Variants in PEX11A observed in about 807,000 individuals in gnomAD.
The protein encoded by PEX11A is peroxisomal biogenesis factor 11 alpha, also known as peroxisomal membrane protein 11A.
Under a neutral mutation model 14.4 loss-of-function variants are expected in PEX11A, and 13 were observed. The observed-to-expected ratio is 0.90, with a 90% CI of 0.59 to 1.43. The LOEUF is 1.43. Ranked by LOEUF, PEX11A falls within the 40% of genes most tolerant of loss-of-function variation. PEX11A has a pLI of 0.00. For missense variants in PEX11A, 290 were observed against 302.8 expected, an observed-to-expected ratio of 0.96 and a Z score of 0.31; for synonymous variants, 101 against 113.0, an observed-to-expected ratio of 0.89 and a Z score of 0.67.
Position 89,690,661 on chromosome 15 carries a change from A to G in PEX11A, c.-29T>C, listed in dbSNP as rs2141559192. On this transcript the variant is annotated 5_prime_UTR_variant, in exon 1 of 3. Transcript: ENST00000300056. ...TTCTAGCCCAAAGGCCACGAGTCGC[A>G]CGGGGCTCAGGCGTGGGTCCTCTGG... The G allele has an allele frequency of 2.6e-6, 4 of 1,541,052 alleles. No individual in the cohort carries two copies. In the East Asian group the frequency reaches 7.3e-5, roughly 28 times the overall value.
chr15:89,685,972 T>A (rs1174166667), intron 2 of PEX11A, among the ~76,000 whole-genome samples: 1 of 152,240 alleles, frequency 6.6e-6, no homozygotes, highest in Non-Finnish European at 1.5e-5. Context: ...ACCTTTGGCA[T>A]GAAACCTACC....
Position 89,683,686 on chromosome 15 carries a change from C to G in PEX11A, c.435G>C (p.Gln145His), listed in dbSNP as rs1319182823. ...LVRDLYEISL[Q>H]MKRVTCDRAK... is the part of the protein sequence containing the mutation. ...CCCTGTCACATGTAACTCGTTTCATCTGCAGGGAGATTTCATACAGATCCC... is the reference window on the plus strand; with the variant it reads ...CCCTGTCACATGTAACTCGTTTCATGTGCAGGGAGATTTCATACAGATCCC... Residue 145 changes from glutamine (Q) to histidine (H), a missense_variant, in exon 3 of 3, where the codon CAG becomes CAC. Gln to His is a conservative substitution (Grantham distance 24). Transcript: ENST00000300056. 7 of 1,613,982 alleles carry G rather than the reference C, an allele frequency of 4.3e-6. No individual in the cohort carries two copies. Among genetic ancestry groups the G allele is most frequent in the Non-Finnish European group, 5.9e-6 (7 of 1,180,024 alleles).
At chr15:89,690,409 T>A (rs1471227483) in intron 1 of PEX11A, among the ~76,000 whole-genome samples, 168 bp downstream of exon 1, 1 of 151,840 alleles carries the variant, frequency 6.6e-6, no homozygotes, top group Admixed American at 6.6e-5. Context: ...CACGTTGAAT[T>A]TAGGGTAAGG....
chr15:89,688,924 C>T (rs1456943378), intron 1 of PEX11A, among the ~76,000 whole-genome samples: 1 of 151,620 alleles, frequency 6.6e-6, no homozygotes, highest in East Asian at 1.9e-4. Context: ...CCATGTTAGC[C>T]AGGATGGTCT....
chr15:89,686,815 C>A (rs1964683677), intron 1 of PEX11A, among the ~76,000 whole-genome samples: 1 of 145,628 alleles, frequency 6.9e-6, no homozygotes, highest in African/African-American at 2.6e-5. Flanking sequence ...CTTTTGCTGG[C>A]ACAGAGAAAT....
intron 1 of PEX11A, among the ~76,000 whole-genome samples, chr15:89,686,847 CTG>C (rs3035166): frequency 0.64 from 96,814 of 151,746 alleles, 31,645 homozygotes; most frequent in Non-Finnish European, 0.71. Context: ...AAGTGAGAAA[CTG>C]TACAAAATCT....
In PEX11A at chr15:89,683,711, C is replaced by T. The variant is rs756263730; in HGVS notation, c.410G>A (p.Arg137Lys). The T allele has an allele frequency of 1.2e-6, 2 of 1,614,086 alleles. No individual in the cohort carries two copies. The highest frequency in any genetic ancestry group is 1.7e-6 in the Non-Finnish European group (2 of 1,179,986). The change falls in exon 3 of 3, where the codon AGG becomes AAG. Residue 137 changes from arginine (R) to lysine (K), a missense_variant. Arg to Lys is a conservative substitution (Grantham distance 26). Transcript: ENST00000300056. ...YYYSLLLSLVRDLYEISLQMK... is the reference protein window; with the variant it reads ...YYYSLLLSLVKDLYEISLQMK... ...CTGCAGGGAGATTTCATACAGATCC[C>T]TGACCAGGCTCAGCAGAAGAGAATA...
intron 1 of PEX11A, chr15:89,688,054 A>C: frequency 1.9e-6 from 1 of 536,624 alleles, no homozygotes. Context: ...GCTTTAGCAC[A>C]AACTTCTTGG....
rs115097615 is a variant in PEX11A at position 89,690,397 on chromosome 15, C to G, written c.56+180G>C. Reference sequence around the variant, plus strand: ...ACGGGACGCGGGTGCGTTGGGCCCACTCACGTTGAATTTAGGGTAAGGAGG... The same window carrying G: ...ACGGGACGCGGGTGCGTTGGGCCCAGTCACGTTGAATTTAGGGTAAGGAGG... On this transcript the variant is annotated intron_variant, in intron 1 of 2. Transcript: ENST00000300056. Among the ~76,000 whole-genome samples the G allele has an allele frequency of 7.2e-3, 1,102 of 152,276 alleles. 14 individuals are homozygous for G. The highest frequency in any genetic ancestry group is 0.025 in the African/African-American group (1,059 of 41,550).
At chr15:89,686,917 T>C (rs557875443) in intron 1 of PEX11A, among the ~76,000 whole-genome samples, 2 of 145,042 alleles carry the variant, frequency 1.4e-5, no homozygotes, top group African/African-American at 2.6e-5. Flanking sequence ...GTAGATTTCT[T>C]TCTTTGTTTT....
intron 1 of PEX11A, among the ~76,000 whole-genome samples, chr15:89,690,286 G>A (rs1327390434): frequency 6.6e-6 from 1 of 152,242 alleles, no homozygotes; most frequent in Non-Finnish European, 1.5e-5. Flanking sequence ...AGGAGGGGAG[G>A]AGGATCTGTC....
chr15:89,688,946 C>T (rs1964731041), intron 1 of PEX11A, among the ~76,000 whole-genome samples: 1 of 151,878 alleles, frequency 6.6e-6, no homozygotes, highest in Non-Finnish European at 1.5e-5. Flanking sequence ...GATCTCCTGA[C>T]TTTGTGATCC....
Position 89,681,619 on chromosome 15 carries a change from T to G in PEX11A, c.*1758A>C, listed in dbSNP as rs1343806637. The G allele has an allele frequency of 1.5e-6, 1 of 655,632 alleles. No individual in the cohort carries two copies. Among genetic ancestry groups the G allele is most frequent in the East Asian group, 2.7e-5 (1 of 36,642 alleles). The allele number at this position is 655,632 out of a possible 1,614,324, so 40.6% of individuals were successfully genotyped here. ...AAAATAGTTATTTAAGCTTTTTATT[T>G]TCCCTGACCTAGTAGCTTTCATGTC... On this transcript the variant is annotated 3_prime_UTR_variant, in exon 3 of 3. Coordinates refer to ENST00000300056, the MANE Select transcript of PEX11A (RefSeq NM_003847.3).
At chr15:89,686,657 A>G (rs960687939) in intron 1 of PEX11A, 111 bp from the exon 2 acceptor site, 33 of 609,276 alleles carry the variant, frequency 5.4e-5, no homozygotes, top group Middle Eastern at 3.1e-4. Flanking sequence ...TTCCAAGACC[A>G]TTTCTCATGT....
At position 89,686,526 on chromosome 15, in the gene PEX11A, A is replaced by G; in HGVS notation, c.77T>C (p.Met26Thr). The change falls in exon 2 of 3, where the codon ATG (methionine) becomes ACG (threonine). Residue 26 changes from methionine to threonine, a missense_variant. Coordinates refer to ENST00000300056, the MANE Select transcript of PEX11A (RefSeq NM_003847.3). ...GGGCTCTAACAAATATCTAAGCAACATGCATGTGTACTGAGTGGCTCTGAA... is the reference window on the plus strand; with the variant it reads ...GGGCTCTAACAAATATCTAAGCAACGTGCATGTGTACTGAGTGGCTCTGAA... ...RLFRATQYTC[M>T]LLRYLLEPKA... is the part of the protein sequence containing the mutation. The G allele has an allele frequency of 6.4e-7, 1 of 1,563,894 alleles. No homozygotes were observed. Among genetic ancestry groups the G allele is most frequent in the South Asian group, 1.1e-5 (1 of 90,006 alleles).
chr15:89,688,167 T>C (rs1837775), intron 1 of PEX11A: 450,876 of 538,506 alleles, frequency 0.84, 194,758 homozygotes, highest in Middle Eastern at 0.95. Flanking sequence ...GAATCCTTGC[T>C]CTTCTTGTAC....
chr15:89,681,615 T>A lies in PEX11A; in HGVS notation c.*1762A>T, dbSNP rs190889360. ...AATAAAAATAGTTATTTAAGCTTTT[T>A]ATTTTCCCTGACCTAGTAGCTTTCA... On this transcript the variant is annotated 3_prime_UTR_variant, in exon 3 of 3. Coordinates refer to ENST00000300056, the MANE Select transcript of PEX11A (RefSeq NM_003847.3). The A allele has an allele frequency of 5.0e-4, 329 of 659,720 alleles. No individual in the cohort carries two copies. The East Asian group carries it at 8.8e-3, about 18-fold the overall frequency. 40.9% of individuals were successfully genotyped at this position (659,720 alleles called of 1,614,324 possible).
At position 89,683,728 on chromosome 15, in the gene PEX11A, A is replaced by G. The variant is rs1232364657; in HGVS notation, c.393T>C (p.Leu131=). The stretch of plus-strand genomic sequence containing the variant: ...ACAGATCCCTGACCAGGCTCAGCAG[A>G]AGAGAATAGTAGTAGTGGTGAGCAG... ...TRAAHHYYYS[L]LLSLVRDLYE... Residue 131 remains leucine (L), a synonymous_variant, in exon 3 of 3, where the codon CTT becomes CTC. Coordinates refer to ENST00000300056, the MANE Select transcript of PEX11A (RefSeq NM_003847.3). The G allele has an allele frequency of 6.2e-7, 1 of 1,614,050 alleles. No individual in the cohort carries two copies. Among genetic ancestry groups the G allele is most frequent in the Admixed American group, 1.7e-5 (1 of 60,020 alleles).
In PEX11A at chr15:89,690,616, C is replaced by A; in HGVS notation, c.17G>T (p.Arg6Leu). ...CCGGCCCTGGGTCTGGTTGGTGAAG[C>A]GGGTGAAGGCGTCCATGGCTTCTAG... Reference protein sequence around the residue: MDAFTRFTNQTQGRDR... With the variant: MDAFTLFTNQTQGRDR... The change falls in exon 1 of 3, where the codon CGC (arginine) becomes CTC (leucine). Residue 6 changes from arginine (R) to leucine (L), a missense_variant. Arg to Leu is a moderately radical substitution (Grantham distance 102). Coordinates refer to ENST00000300056, the MANE Select transcript of PEX11A (RefSeq NM_003847.3). 4 of 1,551,272 alleles carry A rather than the reference C, an allele frequency of 2.6e-6. No homozygotes were observed. The highest frequency in any genetic ancestry group is 3.5e-6 in the Non-Finnish European group (4 of 1,146,870).
Sources: gnomAD v4.1 joint callset for allele counts (sites outside exome capture counted in the v4.1 genomes callset) on GRCh38, gnomAD v4.1.1 for gene constraint, MANE v1.5 for transcripts, NCBI Gene and HGNC (gene_info 2026-07-23, HGNC 2026-07-21) for gene names.